FHIT: variants seen among roughly 807,000 people sequenced by gnomAD.
FHIT encodes the protein bis(5'-adenosyl)-triphosphatase.
FHIT carries 19 observed loss-of-function variants against 17.9 expected under a neutral mutation model. The observed-to-expected ratio is 1.06, with a 90% CI of 0.74 to 1.56. The LOEUF (loss-of-function observed/expected upper bound fraction) is 1.56, where lower values mean the gene tolerates loss of function less well. FHIT is among the 40% of genes most tolerant of loss of function. The pLI is 0.00. For missense variants in FHIT, 248 were observed against 189.2 expected (o/e 1.31, Z -1.82); for synonymous variants, 81 against 69.7 (o/e 1.16, Z -0.81).
intron 5 of FHIT, among the ~76,000 whole-genome samples, chr3:60,518,343 A>G (rs1468482097): frequency 1.3e-5 from 2 of 152,230 alleles, no homozygotes; most frequent in Non-Finnish European, 2.9e-5. Context: ...TAGGTAACTT[A>G]TTGATAAAGG....
intron 8 of FHIT, among the ~76,000 whole-genome samples, chr3:59,887,323 G>C (rs1575645176): frequency 6.6e-6 from 1 of 152,152 alleles, no homozygotes; most frequent in African/African-American, 2.4e-5. Flanking sequence ...TGGGCCAAAA[G>C]CCTGGGGAAG....
chr3:60,173,915 A>ATATATATTTTT, intron 5 of FHIT, among the ~76,000 whole-genome samples: 1 of 66,444 alleles, frequency 1.5e-5, no homozygotes, highest in Non-Finnish European at 2.8e-5. Flanking sequence ...ATATATATAT[A>ATATATATTTTT]TGTTTTTTTT....
At chr3:61,245,534 AG>A (rs2040469236) in intron 1 of FHIT, among the ~76,000 whole-genome samples, 1 of 152,216 alleles carries the variant, frequency 6.6e-6, no homozygotes, top group Admixed American at 6.5e-5. Context: ...GATCCTTTCC[AG>A]GTCTTTAATT....
intron 2 of FHIT, among the ~76,000 whole-genome samples, chr3:61,120,157 C>T (rs1391897450): frequency 6.6e-6 from 1 of 152,132 alleles, no homozygotes; most frequent in Non-Finnish European, 1.5e-5. Context: ...ACTTTATACA[C>T]TAAGGCTAAG....
intron 1 of FHIT, among the ~76,000 whole-genome samples, chr3:61,234,938 C>T (rs1369159212): frequency 8.5e-5 from 13 of 152,236 alleles, no homozygotes; most frequent in Non-Finnish European, 1.6e-4. Context: ...AAATGCAGTA[C>T]ATTTTCTTTA....
intron 3 of FHIT, among the ~76,000 whole-genome samples, chr3:60,842,840 T>C (rs1348068517): frequency 6.6e-6 from 1 of 151,864 alleles, no homozygotes; most frequent in African/African-American, 2.4e-5. Flanking sequence ...CCCGTACTAC[T>C]GTGCTATCCA....
chr3:59,945,647 T>C (rs562441763), intron 7 of FHIT, among the ~76,000 whole-genome samples: 2 of 152,216 alleles, frequency 1.3e-5, no homozygotes, highest in Non-Finnish European at 2.9e-5. Flanking sequence ...AGTTTTTACA[T>C]TTAAGTCTTC....
At chr3:60,795,860 G>T (rs1700963462) in intron 4 of FHIT, among the ~76,000 whole-genome samples, 1 of 152,092 alleles carries the variant, frequency 6.6e-6, no homozygotes, top group African/African-American at 2.4e-5. Flanking sequence ...TTGAGTAAGT[G>T]AATTTCATTG....
chr3:60,050,351 T>C (rs916231280), intron 5 of FHIT, among the ~76,000 whole-genome samples: 2 of 152,164 alleles, frequency 1.3e-5, no homozygotes, highest in Non-Finnish European at 2.9e-5. Flanking sequence ...TAGTAAGAAA[T>C]TGTGAAGAAA....
At chr3:60,474,949 T>C (rs536256093) in intron 5 of FHIT, among the ~76,000 whole-genome samples, 34 of 152,254 alleles carry the variant, frequency 2.2e-4, no homozygotes, top group African/African-American at 7.7e-4. Context: ...AATTTTTAAA[T>C]AGTACTACTT....
intron 7 of FHIT, among the ~76,000 whole-genome samples, chr3:59,923,220 TCAAAA>T (rs1279474234): frequency 1.1e-4 from 4 of 37,698 alleles, no homozygotes; most frequent in Non-Finnish European, 1.7e-4. Context: ...GCGAGACTCC[TCAAAA>T]AAAAAAAAAA....
intron 3 of FHIT, among the ~76,000 whole-genome samples, chr3:60,870,008 C>T (rs1397425505): frequency 1.3e-5 from 2 of 152,110 alleles, no homozygotes; most frequent in Non-Finnish European, 2.9e-5. Flanking sequence ...CTTATAAAGA[C>T]TTGCAATAAA....
intron 5 of FHIT, among the ~76,000 whole-genome samples, chr3:60,514,797 A>G (rs1401747620): frequency 6.6e-6 from 1 of 152,114 alleles, no homozygotes; most frequent in Non-Finnish European, 1.5e-5. Context: ...CAGATCCATC[A>G]GGAGACACAG....
In FHIT at chr3:60,226,470, CT is replaced by C. The variant is rs1463505698; in HGVS notation, c.104-212319del. Among the ~76,000 whole-genome samples the C allele has an allele frequency of 3.8e-4, 21 of 54,586 alleles. 3 individuals are homozygous for C. Among genetic ancestry groups the C allele is most frequent in the African/African-American group, 1.3e-3 (12 of 9,106 alleles). 35.8% of individuals were successfully genotyped at this position (54,586 alleles called of 152,430 possible). ...CTGGGCAACAAGAGTGAAACTCCGT[CT>C]CAAAAAAAAAAAAAAAAAAAAAACA... On this transcript the variant is annotated intron_variant, in intron 5 of 9. Transcript: ENST00000492590.
intron 2 of FHIT, among the ~76,000 whole-genome samples, chr3:61,082,854 T>G (rs2106782447): frequency 1.3e-5 from 2 of 152,280 alleles, no homozygotes; most frequent in Admixed American, 1.3e-4. Context: ...TTCATTGCCC[T>G]TTTTTCCAAT....
At chr3:59,922,174 G>T (rs1253893313) in intron 8 of FHIT, among the ~76,000 whole-genome samples, 172 bp downstream of exon 8, 1 of 152,140 alleles carries the variant, frequency 6.6e-6, no homozygotes, top group African/African-American at 2.4e-5. Flanking sequence ...TTAGTCATGG[G>T]TTCCCACGAT....
rs1433849230 is a variant in FHIT at position 60,501,494 on chromosome 3, C to T, written c.103+35366G>A. ...TGCATATTATTTCTCCAAATCTTGA[C>T]GGTCTAAGCTAATGCCTCTCACAGT... On this transcript the variant is annotated intron_variant, in intron 5 of 9. Coordinates refer to ENST00000492590, the MANE Select transcript of FHIT (RefSeq NM_002012.4). Among the ~76,000 whole-genome samples, 4 of 152,254 alleles carry T rather than the reference C, an allele frequency of 2.6e-5. No homozygotes were observed. The South Asian group carries it at 6.2e-4, about 24-fold the overall frequency.
intron 7 of FHIT, among the ~76,000 whole-genome samples, chr3:59,937,760 T>C (rs1706314101): frequency 6.6e-6 from 1 of 152,318 alleles, no homozygotes; most frequent in Admixed American, 6.5e-5. Context: ...TTTTCACATG[T>C]GACTTCAACA....
chr3:60,760,726 C>A (rs184725159), intron 4 of FHIT, among the ~76,000 whole-genome samples: 3 of 152,200 alleles, frequency 2.0e-5, no homozygotes, highest in Non-Finnish European at 4.4e-5. Context: ...GAAGACATGG[C>A]AACTTGAAAT....
Sources: allele counts gnomAD v4.1 joint callset (sites outside exome capture counted in the v4.1 genomes callset), GRCh38; gene constraint gnomAD v4.1.1; transcripts MANE v1.5; gene names NCBI Gene and HGNC (gene_info 2026-07-23, HGNC 2026-07-21).